MRPL48: variants seen among roughly 807,000 people sequenced by gnomAD.
The protein encoded by MRPL48 is mitochondrial ribosomal protein L48.
MRPL48 carries 16 observed loss-of-function variants against 32.9 expected under a neutral mutation model. The ratio of observed to expected loss-of-function variants is 0.49; its 90% CI spans 0.33 to 0.74. The LOEUF (loss-of-function observed/expected upper bound fraction) is 0.74. MRPL48 is among the 30% of genes least tolerant of loss of function. The probability of loss-of-function intolerance (pLI) is 0.02; values close to 1 mark genes in which losing one functional copy is unlikely to be tolerated. For missense variants in MRPL48, 206 were observed against 245.3 expected, an observed-to-expected ratio of 0.84 and a Z score of 1.07; for synonymous variants, 94 against 89.2, an observed-to-expected ratio of 1.05 and a Z score of -0.31.
At chr11:73,827,463 A>G (rs2135015852) in intron 4 of MRPL48, among the ~76,000 whole-genome samples, 1 of 152,222 alleles carries the variant, frequency 6.6e-6, no homozygotes, top group African/African-American at 2.4e-5. Flanking sequence ...AAGCATTATG[A>G]AATTATTTAG....
In MRPL48 at chr11:73,787,926, G is replaced by T. The variant is rs1947068277; in HGVS notation, c.-46G>T. ...GACGCCCTGGGAACGCGGCTGCAGG[G>T]TCCGGTCTTCGGTTTGCACAGCTAG... On this transcript the variant is annotated 5_prime_UTR_variant, in exon 1 of 8. Coordinates refer to ENST00000310614, the MANE Select transcript of MRPL48 (RefSeq NM_016055.6). 1 of 1,606,596 alleles carries T rather than the reference G, an allele frequency of 6.2e-7. No individual in the cohort carries two copies. Among genetic ancestry groups the T allele is most frequent in the African/African-American group, 1.3e-5 (1 of 74,808 alleles).
Position 73,858,998 on chromosome 11 carries a change from C to T in MRPL48, c.372-909C>T, listed in dbSNP as rs567525543. 4.6e-5 allele frequency among the ~76,000 whole-genome samples: 7 copies of T among 152,278 alleles called. No homozygotes were observed. In the South Asian group the frequency reaches 1.2e-3, roughly 27 times the overall value. On this transcript the variant is annotated intron_variant, in intron 5 of 7. Coordinates refer to ENST00000310614, the MANE Select transcript of MRPL48 (RefSeq NM_016055.6). ...ACTCTATAATCTGGGAGAAGTTGCC[C>T]CTCAGGGGGAAATTAACAATGTTTG...
intron 4 of MRPL48, among the ~76,000 whole-genome samples, chr11:73,830,162 C>A (rs762292855): frequency 6.6e-6 from 1 of 152,144 alleles, no homozygotes; most frequent in Non-Finnish European, 1.5e-5. Context: ...GGCACAGGGC[C>A]TAGCATCAAG....
intron 4 of MRPL48, among the ~76,000 whole-genome samples, chr11:73,833,808 G>A (rs1486451944): frequency 1.3e-5 from 2 of 151,992 alleles, no homozygotes; most frequent in Admixed American, 1.3e-4. Flanking sequence ...CAGAGTAGCT[G>A]GAACTACAGG....
chr11:73,815,066 T>C (rs1041746877), intron 3 of MRPL48, among the ~76,000 whole-genome samples: 1 of 152,122 alleles, frequency 6.6e-6, no homozygotes, highest in African/African-American at 2.4e-5. Flanking sequence ...AGCATGAATA[T>C]AGTTTCTGCC....
At chr11:73,796,242 A>T in intron 1 of MRPL48, among the ~76,000 whole-genome samples, 1 of 152,158 alleles carries the variant, frequency 6.6e-6, no homozygotes, top group Non-Finnish European at 1.5e-5. Context: ...GTGACTGCGG[A>T]CCCAGGCATC....
intron 3 of MRPL48, among the ~76,000 whole-genome samples, chr11:73,812,186 C>T (rs1302894412): frequency 6.6e-6 from 1 of 152,012 alleles, no homozygotes; most frequent in Non-Finnish European, 1.5e-5. Flanking sequence ...GCGCCCGGCC[C>T]TCTTTCCCAA....
At chr11:73,829,137 G>A (rs909139311) in intron 4 of MRPL48, among the ~76,000 whole-genome samples, 20 of 151,948 alleles carry the variant, frequency 1.3e-4, no homozygotes, top group African/African-American at 4.1e-4. Context: ...CGGATACCAC[G>A]CTTTAACTGT....
chr11:73,793,102 G>A (rs1292790621), intron 1 of MRPL48, among the ~76,000 whole-genome samples: 1 of 152,160 alleles, frequency 6.6e-6, no homozygotes. Context: ...TTTTGCTCTT[G>A]TTGCCCAGGC....
intron 1 of MRPL48, among the ~76,000 whole-genome samples, chr11:73,792,508 G>A (rs990051728): frequency 2.0e-5 from 3 of 152,198 alleles, no homozygotes; most frequent in Non-Finnish European, 4.4e-5. Context: ...TCACATTTCA[G>A]CATTTGAAGG....
chr11:73,792,819 CATT>C (rs1335852499), intron 1 of MRPL48, among the ~76,000 whole-genome samples: 3 of 152,206 alleles, frequency 2.0e-5, no homozygotes, highest in South Asian at 2.1e-4. Flanking sequence ...CCATTATCAT[CATT>C]GTTACCAGTT....
In MRPL48 at chr11:73,822,890, G is replaced by A. The variant is rs1309829805; in HGVS notation, c.113-2818G>A. 6.6e-5 allele frequency: 25 copies of A among 379,314 alleles called. 1 individual carries two copies. The highest frequency in any genetic ancestry group is 2.0e-4 in the South Asian group (10 of 50,388). 23.5% of individuals were successfully genotyped at this position (379,314 alleles called of 1,614,324 possible). A position where few individuals can be genotyped will look rare whatever the true frequency, so the allele number is the denominator to read the frequency against. On this transcript the variant is annotated intron_variant, in intron 3 of 7. Coordinates refer to ENST00000310614, the MANE Select transcript of MRPL48 (RefSeq NM_016055.6). The stretch of plus-strand genomic sequence containing the variant: ...TGTCTCCTCTCAGATCAGCTGTGGC[G>A]TTAGATTCTCATAGGAGCATGAACT...
intron 3 of MRPL48, among the ~76,000 whole-genome samples, chr11:73,824,419 T>C (rs537012427): frequency 2.0e-5 from 3 of 152,044 alleles, no homozygotes; most frequent in African/African-American, 7.2e-5. Context: ...ACCCCGACTC[T>C]ACTGAAAATA....
chr11:73,837,604 T>G (rs996080609), intron 4 of MRPL48, among the ~76,000 whole-genome samples: 14 of 152,168 alleles, frequency 9.2e-5, no homozygotes, highest in South Asian at 6.2e-4. Context: ...TTTCATAATT[T>G]ACCCTATAGT....
Position 73,825,699 on chromosome 11 carries a change from C to G in MRPL48, c.113-9C>G, listed in dbSNP as rs1327458966. 4.5e-6 allele frequency: 7 copies of G among 1,551,166 alleles called. No individual in the cohort carries two copies. The highest frequency in any genetic ancestry group is 6.1e-6 in the Non-Finnish European group (7 of 1,146,660). On this transcript the variant is annotated splice_polypyrimidine_tract_variant and intron_variant, in intron 3 of 7. Transcript: ENST00000310614. ...AAAAAACAGGTTTGTCTTATTTTCT[C>G]TCTTTTAGGTGGAATTCTACTAAGT...
intron 1 of MRPL48, 46 bp downstream of exon 1, chr11:73,788,038 G>A: frequency 6.8e-7 from 1 of 1,462,040 alleles, no homozygotes; most frequent in South Asian, 1.3e-5. Context: ...ATGGCGGACG[G>A]TGCAGAGAGG....
At chr11:73,853,099 A>C (rs1225479479) in intron 5 of MRPL48, among the ~76,000 whole-genome samples, 1 of 151,828 alleles carries the variant, frequency 6.6e-6, no homozygotes, top group Non-Finnish European at 1.5e-5. Context: ...GAGGCTGGGA[A>C]GGGCAGTGGG....
At chr11:73,789,924 C>T (rs558801731) in intron 1 of MRPL48, among the ~76,000 whole-genome samples, 1 of 152,166 alleles carries the variant, frequency 6.6e-6, no homozygotes, top group African/African-American at 2.4e-5. Context: ...GAGACAGGGT[C>T]TCACTTTGTC....
chr11:73,795,656 G>A (rs1360241358), intron 1 of MRPL48, among the ~76,000 whole-genome samples: 4 of 145,308 alleles, frequency 2.8e-5, no homozygotes, highest in Admixed American at 6.9e-5. Context: ...GCAGGCACCC[G>A]CCACCACGCC....
Sources: allele counts gnomAD v4.1 joint callset (sites outside exome capture counted in the v4.1 genomes callset), GRCh38; gene constraint gnomAD v4.1.1; transcripts MANE v1.5; gene names NCBI Gene and HGNC (gene_info 2026-07-23, HGNC 2026-07-21).